The following UNKL variants were observed in gnomAD, a reference collection of about 807,000 sequenced individuals.
The protein encoded by UNKL is putative E3 ubiquitin-protein ligase UNKL.
UNKL carries 60 observed loss-of-function variants against 78.0 expected under a neutral mutation model. That is an observed-to-expected ratio of 0.77 (90% CI 0.63 to 0.95). The LOEUF is 0.95. Among genes scored for constraint, UNKL ranks in the 40% least tolerant of loss-of-function variants. UNKL has a pLI of 0.00. For synonymous variants in UNKL, 608 were observed against 474.8 expected, an observed-to-expected ratio of 1.28 and a Z score of -3.65; for missense variants, 1,159 against 1,045.7, an observed-to-expected ratio of 1.11 and a Z score of -1.49.
rs1242101436 is a variant in UNKL, at chr16:1,387,949, G to C, written c.1087-2564C>G. On this transcript the variant is annotated intron_variant, in intron 9 of 14. Transcript: ENST00000389221. This position sits in a 1 kb window ranked among gnomAD's most constrained non-coding sequence, Gnocchi z 4.1. ...TGTCCTGACCCACCAGTAGCCTAGAGGCCACCGCCCGGGTCACAGTCACCC... is the reference window on the plus strand; with the variant it reads ...TGTCCTGACCCACCAGTAGCCTAGACGCCACCGCCCGGGTCACAGTCACCC... Among the ~76,000 whole-genome samples the C allele has an allele frequency of 1.3e-5, 2 of 152,164 alleles. No homozygotes were observed. Among genetic ancestry groups the C allele is most frequent in the African/African-American group, 4.8e-5 (2 of 41,442 alleles).
intron 10 of UNKL, chr16:1,383,503 GC>G (rs1417651493): frequency 3.9e-6 from 1 of 253,814 alleles, no homozygotes. Flanking sequence ...GCTGCACCTG[GC>G]TTTCCTCGCA....
intron 2 of UNKL, among the ~76,000 whole-genome samples, chr16:1,404,840 C>T (rs2037676953): frequency 6.6e-6 from 1 of 152,166 alleles, no homozygotes; most frequent in Non-Finnish European, 1.5e-5. Flanking sequence ...TAAACGTGGG[C>T]TTCTATCCAC....
At position 1,367,141 on chromosome 16, in the gene UNKL, A is replaced by T; in HGVS notation, c.1997T>A (p.Leu666Gln). The T allele has an allele frequency of 6.3e-7, 1 of 1,599,150 alleles. No homozygotes were observed. Among genetic ancestry groups the T allele is most frequent in the Non-Finnish European group, 8.5e-7 (1 of 1,175,410 alleles). The stretch of plus-strand genomic sequence containing the variant: ...GCGCAGCTGACTCTGCAGCGAGTGC[A>T]GCTTCGGCAGGGGAATGGTGCCGAT... The part of the protein sequence containing the change: ...GDIGTIPLPK[L>Q]HSLQSQLRLD... The change falls in exon 14 of 15, where the codon CTG becomes CAG. Residue 666 changes from leucine (L) to glutamine (Q), a missense_variant. Physicochemically the swap from Leu to Gln is moderately radical, Grantham distance 113. Transcript: ENST00000389221.
intron 12 of UNKL, among the ~76,000 whole-genome samples, chr16:1,368,365 G>A (rs1432632491): frequency 1.3e-5 from 2 of 152,134 alleles, no homozygotes; most frequent in Non-Finnish European, 2.9e-5. Flanking sequence ...CACTTTGGGA[G>A]GCCGAGGCGG....
At chr16:1,411,370 A>T (rs1041842231) in intron 2 of UNKL, among the ~76,000 whole-genome samples, 1 of 151,854 alleles carries the variant, frequency 6.6e-6, no homozygotes, top group Non-Finnish European at 1.5e-5. Flanking sequence ...AATAATAAAT[A>T]AAATAAAATA....
intron 12 of UNKL, chr16:1,368,287 A>ACT (rs146385433): frequency 0.017 from 3,014 of 178,732 alleles, 91 homozygotes; most frequent in African/African-American, 0.066. Context: ...AGAGACTATG[A>ACT]CTGAAATAGT....
At chr16:1,371,883 C>T (rs2035871110) in intron 10 of UNKL, among the ~76,000 whole-genome samples, 1 of 152,218 alleles carries the variant, frequency 6.6e-6, no homozygotes, top group Non-Finnish European at 1.5e-5. Flanking sequence ...TCGCCTCTGA[C>T]ACGCTGCTGC....
chr16:1,405,921 G>A (rs1442684454), intron 2 of UNKL: 1 of 456,482 alleles, frequency 2.2e-6, no homozygotes, highest in Non-Finnish European at 4.4e-6. Context: ...CCCAAGGAGG[G>A]TCCACCAGAC....
At chr16:1,411,127 G>A (rs903005648) in intron 2 of UNKL, among the ~76,000 whole-genome samples, 1 of 152,038 alleles carries the variant, frequency 6.6e-6, no homozygotes, top group South Asian at 2.1e-4. Flanking sequence ...GCGGTGGGAG[G>A]ATCTCTTGGG....
At position 1,394,196 on chromosome 16, in the gene UNKL, C is replaced by T; in HGVS notation, c.872G>A (p.Cys291Tyr). 6.4e-7 allele frequency: 1 copy of T among 1,550,706 alleles called. No individual in the cohort carries two copies. The highest frequency in any genetic ancestry group is 8.7e-7 in the Non-Finnish European group (1 of 1,147,012). The change falls in exon 7 of 15, where the codon TGC becomes TAC. Residue 291 changes from cysteine to tyrosine, a missense_variant. Physicochemically the swap from Cys to Tyr is radical, Grantham distance 194 (BLOSUM62 -2). Transcript: ENST00000389221. ...FHPEIYKSTK[C>Y]NDMRQTGYCP... is the part of the protein sequence containing the mutation. ...GTACCCGGTTTGGCGCATGTCGTTG[C>T]ATTTTGTAGATTTGTAGATCTGGGG... is the stretch of plus-strand genomic sequence containing the variant.
chr16:1,366,428 G>A (rs1299674280), intron 14 of UNKL, 33 bp from the exon 15 acceptor site: 1 of 1,541,132 alleles, frequency 6.5e-7, no homozygotes, highest in Non-Finnish European at 8.8e-7. Flanking sequence ...GGCTCAGGAG[G>A]CCCCTGCCCA....
In UNKL at chr16:1,387,257, T is replaced by A. The variant is rs1185718101; in HGVS notation, c.1087-1872A>T. On this transcript the variant is annotated intron_variant, in intron 9 of 14. Coordinates refer to ENST00000389221, the MANE Select transcript of UNKL (RefSeq NM_001372107.1). This position sits in a 1 kb window ranked among gnomAD's most constrained non-coding sequence, Gnocchi z 4.1. The stretch of plus-strand genomic sequence containing the variant: ...TCCCAGCCATGCATGGTGCTGCCAA[T>A]ACCCCCTATCAATCCCCCATGGTGA... Among the ~76,000 whole-genome samples, 1 of 152,116 alleles carries A rather than the reference T, an allele frequency of 6.6e-6. No individual in the cohort carries two copies. Among genetic ancestry groups the A allele is most frequent in the Admixed American group, 6.5e-5 (1 of 15,282 alleles).
chr16:1,404,879 A>T (rs1335504120), intron 2 of UNKL, among the ~76,000 whole-genome samples: 1 of 152,146 alleles, frequency 6.6e-6, no homozygotes, highest in Non-Finnish European at 1.5e-5. Flanking sequence ...GCTTCCAGCC[A>T]CACAGTGGGG....
intron 7 of UNKL, among the ~76,000 whole-genome samples, chr16:1,393,348 G>C (rs1326267791): frequency 6.6e-6 from 1 of 151,866 alleles, no homozygotes; most frequent in African/African-American, 2.4e-5. Flanking sequence ...CCAAACCCCA[G>C]GGCTGCGAGG....
rs1006257076 is a variant in UNKL, at chr16:1,409,698, A to T, written c.287+4148T>A. On this transcript the variant is annotated intron_variant, in intron 2 of 14. Transcript: ENST00000389221. ...GACCACCTAGAGGCAGGCGCTTACT[A>T]CAGCACTGTCCATCCCTGTAAGAAC... Among the ~76,000 whole-genome samples, 10 of 151,976 alleles carry T rather than the reference A, an allele frequency of 6.6e-5. 1 individual carries two copies. Among genetic ancestry groups the T allele is most frequent in the Admixed American group, 6.6e-4 (10 of 15,236 alleles).
intron 10 of UNKL, chr16:1,379,307 T>G (rs2036472987): frequency 4.8e-6 from 1 of 207,690 alleles, no homozygotes; most frequent in African/African-American, 2.4e-5. Flanking sequence ...TGCCCTCTCC[T>G]GCCCCGCTCC....
chr16:1,386,760 T>C (rs1305695612), intron 9 of UNKL, among the ~76,000 whole-genome samples: 4 of 152,136 alleles, frequency 2.6e-5, no homozygotes, highest in Non-Finnish European at 5.9e-5. Flanking sequence ...GGCTCCTGGC[T>C]TCTGTGACCT....
At chr16:1,405,641 G>A (rs1441041363) in intron 2 of UNKL, among the ~76,000 whole-genome samples, 1 of 151,976 alleles carries the variant, frequency 6.6e-6, no homozygotes, top group Non-Finnish European at 1.5e-5. Flanking sequence ...CACCTAGGAG[G>A]TGAGAGGGAA....
Position 1,366,354 on chromosome 16 carries a change from C to T in UNKL, c.2088G>A (p.Arg696=), listed in dbSNP as rs75956141. The T allele has an allele frequency of 7.7e-3, 12,336 of 1,604,536 alleles. 709 individuals carry two copies. In the East Asian group the frequency reaches 0.16, roughly 21 times the overall value. The part of the protein sequence containing the change: ...QLRAKQCVAC[R]ERAHGAVLRP... ...GCAGGACAGCACCGTGGGCCCGCTC[C>T]CGGCAGGCCACACACTGCTTGGCGC... The change falls in exon 15 of 15, where the codon CGG becomes CGA. Residue 696 remains arginine (R), a synonymous_variant. Coordinates refer to ENST00000389221, the MANE Select transcript of UNKL (RefSeq NM_001372107.1).
Sources: gnomAD v4.1 joint callset for allele counts (sites outside exome capture counted in the v4.1 genomes callset) on GRCh38, gnomAD v4.1.1 for gene constraint, Gnocchi (gnomAD v3.1) non-coding constraint, MANE v1.5 for transcripts, NCBI Gene and HGNC (gene_info 2026-07-23, HGNC 2026-07-21) for gene names.